Variants in ITPRID1 observed in about 807,000 individuals in gnomAD.
ITPRID1 encodes the protein ITPR interacting domain containing 1.
A neutral mutation model predicts 95.4 loss-of-function variants in ITPRID1; 96 were observed. The observed-to-expected ratio is 1.01, with a 90% CI of 0.85 to 1.19. The LOEUF (loss-of-function observed/expected upper bound fraction) is 1.19, where lower values mean the gene tolerates loss of function less well. Among genes scored for constraint, ITPRID1 ranks in the 50% most tolerant of loss-of-function variants. The pLI, the probability that ITPRID1 is intolerant of heterozygous loss-of-function variation, is 0.00. For missense variants in ITPRID1, 1,339 were observed against 1,252.9 expected (o/e 1.07, Z -1.04); for synonymous variants, 510 against 453.6 (o/e 1.12, Z -1.58).
chr7:31,645,238 A>G (rs1440499674), intron 12 of ITPRID1, among the ~76,000 whole-genome samples: 5 of 152,228 alleles, frequency 3.3e-5, no homozygotes, highest in Admixed American at 6.5e-5. Flanking sequence ...AACATTAGAA[A>G]GTGATTATTT....
At chr7:31,629,255 CAAAG>C (rs1300036587) in intron 10 of ITPRID1, among the ~76,000 whole-genome samples, 1 of 147,816 alleles carries the variant, frequency 6.8e-6, no homozygotes, top group Non-Finnish European at 1.5e-5. Flanking sequence ...TCTATGTAGA[CAAAG>C]AAGATATGTG....
intron 10 of ITPRID1, among the ~76,000 whole-genome samples, chr7:31,627,987 A>G (rs1208034863): frequency 3.3e-5 from 5 of 152,166 alleles, no homozygotes; most frequent in Non-Finnish European, 7.3e-5. Context: ...GATTCAAGGA[A>G]CCAACAAGAA....
chr7:31,569,835 C>T (rs374964705), intron 6 of ITPRID1, 26 bp downstream of exon 6: 42 of 1,561,280 alleles, frequency 2.7e-5, no homozygotes, highest in Admixed American at 2.5e-4. Flanking sequence ...AGTGTTACTT[C>T]ATGCCAATAT....
At chr7:31,574,833 G>A (rs1026290214) in intron 8 of ITPRID1, 91 bp downstream of exon 8, 1 of 1,130,812 alleles carries the variant, frequency 8.8e-7, no homozygotes, top group East Asian at 2.5e-5. Flanking sequence ...GTGTGAAGTA[G>A]CATGCAAACC....
Position 31,653,034 on chromosome 7 carries a change from GC to G in ITPRID1, c.*207del. Reference sequence around the variant, plus strand: ...TAGAATAACTGAGCACCTAGTATGTGCCTGGCACAGAGTATGCAACAGTGAC... The same window carrying G: ...TAGAATAACTGAGCACCTAGTATGTGCTGGCACAGAGTATGCAACAGTGAC... On this transcript the variant is annotated 3_prime_UTR_variant, in exon 15 of 15. Transcript: ENST00000615280. 7.6e-7 allele frequency: 1 copy of G among 1,322,728 alleles called. No individual in the cohort carries two copies. Among genetic ancestry groups the G allele is most frequent in the Non-Finnish European group, 9.9e-7 (1 of 1,005,792 alleles). The allele number at this position is 1,322,728 out of a possible 1,614,324, so 81.9% of individuals were successfully genotyped here. A position where few individuals can be genotyped will look rare whatever the true frequency, so the allele number is the denominator to read the frequency against.
At chr7:31,549,132 T>C (rs1216449328) in intron 1 of ITPRID1, among the ~76,000 whole-genome samples, 1 of 152,132 alleles carries the variant, frequency 6.6e-6, no homozygotes, top group African/African-American at 2.4e-5. Flanking sequence ...CCGAGTTTAA[T>C]CAGAAATGGT....
At chr7:31,605,702 C>T (rs565565051) in intron 10 of ITPRID1, among the ~76,000 whole-genome samples, 1 of 152,298 alleles carries the variant, frequency 6.6e-6, no homozygotes, top group South Asian at 2.1e-4. Context: ...CATAACTGAT[C>T]TTATTCTGGC....
At position 31,643,167 on chromosome 7, in the gene ITPRID1, A is replaced by G. The variant is rs772204339; in HGVS notation, c.1797A>G (p.Ser599=). The change falls in exon 12 of 15, where the codon TCA becomes TCG. Residue 599 remains serine, a synonymous_variant. Coordinates refer to ENST00000615280, the MANE Select transcript of ITPRID1 (RefSeq NM_001257967.3). ...VQSHHNESQR[S]PGNDHTQDKF... ...GCCACCACAATGAGTCTCAAAGGTCACCTGGAAATGATCATACTCAAGACA... is the reference window on the plus strand; with the variant it reads ...GCCACCACAATGAGTCTCAAAGGTCGCCTGGAAATGATCATACTCAAGACA... 51 of 1,613,998 alleles carry G rather than the reference A, an allele frequency of 3.2e-5. No individual in the cohort carries two copies. The South Asian group carries it at 5.6e-4, about 18-fold the overall frequency.
chr7:31,584,031 T>C (rs1785499422), intron 10 of ITPRID1, among the ~76,000 whole-genome samples: 1 of 152,246 alleles, frequency 6.6e-6, no homozygotes, highest in Non-Finnish European at 1.5e-5. Flanking sequence ...CTCAGAATGA[T>C]GCTTTATCAT....
chr7:31,651,994 G>A lies in ITPRID1; in HGVS notation c.2767G>A (p.Glu923Lys). ...TGAGGCCCTGAGGCAGCAGGTGGCA[G>A]AGTTGGAATTTCAGTTAGGAGACCG... is the stretch of plus-strand genomic sequence containing the variant. ...LREALRQQVA[E>K]LEFQLGDRAQ... Residue 923 changes from glutamate (E) to lysine (K), a missense_variant, in exon 14 of 15, where the codon GAG becomes AAG. Coordinates refer to ENST00000615280, the MANE Select transcript of ITPRID1 (RefSeq NM_001257967.3). 6.2e-7 allele frequency: 1 copy of A among 1,606,674 alleles called. No individual in the cohort carries two copies. Among genetic ancestry groups the A allele is most frequent in the African/African-American group, 1.3e-5 (1 of 74,942 alleles).
In ITPRID1 at chr7:31,553,104, C is replaced by A. The variant is rs1215985967; in HGVS notation, c.80C>A (p.Thr27Asn). 1.2e-6 allele frequency: 2 copies of A among 1,603,816 alleles called. No homozygotes were observed. Among genetic ancestry groups the A allele is most frequent in the East Asian group, 4.5e-5 (2 of 44,370 alleles). ...AGCAAGAGAGAGATCCTGAAGTGCA[C>A]CAAAAGCGCGTGGGCTCCGCTGGAT... ...EKSKREILKC[T>N]KSAWAPLDEW... Residue 27 changes from threonine to asparagine, a missense_variant, in exon 3 of 15, where the codon ACC becomes AAC. Thr to Asn is a moderately conservative substitution (Grantham distance 65). Coordinates refer to ENST00000615280, the MANE Select transcript of ITPRID1 (RefSeq NM_001257967.3).
chr7:31,581,644 A>G lies in ITPRID1; in HGVS notation c.1171-1490A>G, dbSNP rs143926282. The stretch of plus-strand genomic sequence containing the variant: ...TAACTATTTGTTTATTTTATTTTTT[A>G]TTAATTAATAAGTGTGGCTCAGGTG... On this transcript the variant is annotated intron_variant, in intron 9 of 14. Coordinates refer to ENST00000615280, the MANE Select transcript of ITPRID1 (RefSeq NM_001257967.3). 1.8e-3 allele frequency among the ~76,000 whole-genome samples: 280 copies of G among 152,210 alleles called. 2 individuals carry two copies. Among genetic ancestry groups the G allele is most frequent in the African/African-American group, 6.4e-3 (266 of 41,546 alleles).
chr7:31,653,426 G>A lies in ITPRID1; in HGVS notation c.*597G>A, dbSNP rs1230481759. 6.5e-6 allele frequency: 1 copy of A among 153,212 alleles called. No individual in the cohort carries two copies. Among genetic ancestry groups the A allele is most frequent in the African/African-American group, 2.4e-5 (1 of 41,392 alleles). The allele number at this position is 153,212 out of a possible 1,614,324, so 9.5% of individuals were successfully genotyped here. A position where few individuals can be genotyped will look rare whatever the true frequency, so the allele number is the denominator to read the frequency against. ...GAAGGTAAAATAAACATAGGGCAGA[G>A]GAAGCAATCAGATATGCATTTGTCT... On this transcript the variant is annotated 3_prime_UTR_variant, in exon 15 of 15. Coordinates refer to ENST00000615280, the MANE Select transcript of ITPRID1 (RefSeq NM_001257967.3).
In ITPRID1 at chr7:31,653,031, T is replaced by C. The variant is rs1791101359; in HGVS notation, c.*202T>C. On this transcript the variant is annotated 3_prime_UTR_variant, in exon 15 of 15. Coordinates refer to ENST00000615280, the MANE Select transcript of ITPRID1 (RefSeq NM_001257967.3). ...GTATAGAATAACTGAGCACCTAGTA[T>C]GTGCCTGGCACAGAGTATGCAACAG... 7.5e-7 allele frequency: 1 copy of C among 1,331,360 alleles called. No individual in the cohort carries two copies. Among genetic ancestry groups the C allele is most frequent in the African/African-American group, 1.5e-5 (1 of 67,910 alleles). The allele number at this position is 1,331,360 out of a possible 1,614,324, so 82.5% of individuals were successfully genotyped here. A position where few individuals can be genotyped will look rare whatever the true frequency, so the allele number is the denominator to read the frequency against.
chr7:31,579,398 C>T (rs1296714910), intron 9 of ITPRID1, among the ~76,000 whole-genome samples: 2 of 152,198 alleles, frequency 1.3e-5, no homozygotes, highest in Non-Finnish European at 2.9e-5. Flanking sequence ...GGGCTTACTT[C>T]TCCGTTGAGC....
At chr7:31,618,191 A>G (rs1179706669) in intron 10 of ITPRID1, among the ~76,000 whole-genome samples, 4 of 152,196 alleles carry the variant, frequency 2.6e-5, no homozygotes, top group Non-Finnish European at 4.4e-5. Context: ...CCCAAACTTA[A>G]GATCAGCCTT....
downstream of ITPRID1, chr7:31,658,440 T>A (rs1466265562): frequency 7.1e-7 from 1 of 1,417,044 alleles, no homozygotes; most frequent in East Asian, 2.5e-5. Context: ...GTATAACACA[T>A]GTCGAACAAA....
At chr7:31,625,048 A>G (rs1371025068) in intron 10 of ITPRID1, among the ~76,000 whole-genome samples, 2 of 152,228 alleles carry the variant, frequency 1.3e-5, no homozygotes, top group Non-Finnish European at 2.9e-5. Flanking sequence ...GCCATCAGAG[A>G]AATGCAAATC....
At chr7:31,550,998 C>G (rs1784269117) in intron 2 of ITPRID1, among the ~76,000 whole-genome samples, 1 of 143,856 alleles carries the variant, frequency 7.0e-6, no homozygotes, top group African/African-American at 2.4e-5. Flanking sequence ...CTTCTTGTTT[C>G]CTCCACAGTG....
Sources: allele counts gnomAD v4.1 joint callset (sites outside exome capture counted in the v4.1 genomes callset), GRCh38; gene constraint gnomAD v4.1.1; transcripts MANE v1.5; gene names NCBI Gene and HGNC (gene_info 2026-07-23, HGNC 2026-07-21).